SLC24A2: variants seen among roughly 807,000 people sequenced by gnomAD.
SLC24A2 encodes sodium/potassium/calcium exchanger 2.
A neutral mutation model predicts 62.0 loss-of-function variants in SLC24A2; 36 were observed. The ratio of observed to expected loss-of-function variants is 0.58; its 90% CI spans 0.44 to 0.77. SLC24A2 has a LOEUF of 0.77. SLC24A2 is among the 30% of genes least tolerant of loss of function. The probability of loss-of-function intolerance (pLI) is 0.00; values close to 1 mark genes in which losing one functional copy is unlikely to be tolerated. For synonymous variants in SLC24A2, 358 were observed against 294.0 expected, an observed-to-expected ratio of 1.22 and a Z score of -2.23; for missense variants, 846 against 817.9, an observed-to-expected ratio of 1.03 and a Z score of -0.42.
At chr9:19,533,296 T>C (rs1833793975) in intron 8 of SLC24A2, among the ~76,000 whole-genome samples, 2 of 152,296 alleles carry the variant, frequency 1.3e-5, no homozygotes, top group South Asian at 4.2e-4. Flanking sequence ...AGTTAATTTT[T>C]CCCCTCTCTT....
chr9:20,012,256 C>T, the SLC24A2 span, among the ~76,000 whole-genome samples: 5 of 152,154 alleles, frequency 3.3e-5, no homozygotes, highest in African/African-American at 7.2e-5. Context: ...GGAGGCCTCA[C>T]AATCATGGCA....
chr9:19,921,014 G>T, the SLC24A2 span, among the ~76,000 whole-genome samples: 2 of 146,338 alleles, frequency 1.4e-5, no homozygotes, highest in African/African-American at 5.0e-5. Flanking sequence ...GGATTGAGTC[G>T]ATATAAGTAA....
chr9:19,738,050 T>C (rs1821561958), intron 2 of SLC24A2, among the ~76,000 whole-genome samples: 1 of 152,156 alleles, frequency 6.6e-6, no homozygotes, highest in African/African-American at 2.4e-5. Flanking sequence ...ATCTTCAAAA[T>C]TAAAAATCAG....
chr9:19,935,814 T>C, the SLC24A2 span, among the ~76,000 whole-genome samples: 1 of 152,310 alleles, frequency 6.6e-6, no homozygotes, highest in Non-Finnish European at 1.5e-5. Flanking sequence ...TTCACTGAGA[T>C]AGACCTGTAA....
chr9:19,557,436 G>C lies in SLC24A2; in HGVS notation c.1348-7168C>G, dbSNP rs755660229. Among the ~76,000 whole-genome samples, 35 of 152,212 alleles carry C rather than the reference G, an allele frequency of 2.3e-4. 1 individual carries two copies. Among genetic ancestry groups the C allele is most frequent in the Admixed American group, 4.6e-4 (7 of 15,286 alleles). On this transcript the variant is annotated intron_variant, in intron 7 of 10. Coordinates refer to ENST00000341998, the MANE Select transcript of SLC24A2 (RefSeq NM_020344.4). ...GGTGGTTCTTATCCTGGGGCAGAGG[G>C]CGAGAAGTAGGTACAAAATAATACA...
intron 2 of SLC24A2, among the ~76,000 whole-genome samples, chr9:19,776,157 G>C (rs1227754705): frequency 6.6e-6 from 1 of 152,164 alleles, no homozygotes; most frequent in Non-Finnish European, 1.5e-5. Context: ...AAAAACATTT[G>C]AAAGTCACTG....
At chr9:19,573,063 AG>A (rs1055368680) in intron 7 of SLC24A2, among the ~76,000 whole-genome samples, 2 of 152,206 alleles carry the variant, frequency 1.3e-5, no homozygotes, top group African/African-American at 4.8e-5. Context: ...TATATGGCCC[AG>A]GGATCTACAT....
At chr9:20,081,484 G>A in the SLC24A2 span, among the ~76,000 whole-genome samples, 3 of 119,288 alleles carry the variant, frequency 2.5e-5, no homozygotes, top group Admixed American at 1.8e-4. Flanking sequence ...GTTGAGGGGT[G>A]GGGGGAGGGG....
At chr9:20,002,660 A>G in the SLC24A2 span, among the ~76,000 whole-genome samples, 4 of 152,200 alleles carry the variant, frequency 2.6e-5, no homozygotes, top group African/African-American at 9.6e-5. Context: ...GGACAGGTAA[A>G]TGATGGAAAC....
At chr9:19,554,992 A>G (rs1237429695) in intron 7 of SLC24A2, among the ~76,000 whole-genome samples, 2 of 152,304 alleles carry the variant, frequency 1.3e-5, no homozygotes, top group African/African-American at 2.4e-5. Context: ...TGGTCTCTCT[A>G]TAAGATATCT....
intron 10 of SLC24A2, among the ~76,000 whole-genome samples, chr9:19,519,898 G>T (rs149345490): frequency 6.6e-6 from 1 of 152,162 alleles, no homozygotes; most frequent in Non-Finnish European, 1.5e-5. Flanking sequence ...TGCTACAATT[G>T]ATAGCACAGA....
the SLC24A2 span, among the ~76,000 whole-genome samples, chr9:19,885,451 T>A: frequency 6.6e-6 from 1 of 152,212 alleles, no homozygotes; most frequent in Non-Finnish European, 1.5e-5. Flanking sequence ...CATGTTCACA[T>A]ACAATGTCTG....
the SLC24A2 span, chr9:19,928,611 A>C: frequency 4.6e-5 from 7 of 152,250 alleles, no homozygotes; most frequent in African/African-American, 1.7e-4. Flanking sequence ...ACTGGGATTT[A>C]TAATAATTAC....
intron 2 of SLC24A2, among the ~76,000 whole-genome samples, chr9:19,668,107 G>A (rs1016788227): frequency 2.8e-4 from 43 of 152,094 alleles, no homozygotes; most frequent in Non-Finnish European, 2.9e-5. Context: ...TCAGGCCCTA[G>A]TGTGGACACA....
At chr9:20,016,415 A>T in the SLC24A2 span, among the ~76,000 whole-genome samples, 1 of 152,306 alleles carries the variant, frequency 6.6e-6, no homozygotes, top group East Asian at 1.9e-4. Context: ...GGTCAAATTA[A>T]CTGCATTGGT....
chr9:19,704,847 G>C (rs892209717), intron 2 of SLC24A2, among the ~76,000 whole-genome samples: 2 of 143,256 alleles, frequency 1.4e-5, no homozygotes, highest in Non-Finnish European at 3.0e-5. Context: ...CAGGAGCATA[G>C]ACATTTTCAA....
At chr9:20,297,152 T>C in the SLC24A2 span, among the ~76,000 whole-genome samples, 1 of 152,160 alleles carries the variant, frequency 6.6e-6, no homozygotes, top group Non-Finnish European at 1.5e-5. Flanking sequence ...GAGCAAGGAT[T>C]CAAACCCAGG....
chr9:20,202,737 A>T, the SLC24A2 span, among the ~76,000 whole-genome samples: 2 of 152,198 alleles, frequency 1.3e-5, no homozygotes, highest in African/African-American at 4.8e-5. Flanking sequence ...GATTACAGAA[A>T]AAGAAAAGGA....
At chr9:19,988,193 C>G in the SLC24A2 span, among the ~76,000 whole-genome samples, 2 of 152,220 alleles carry the variant, frequency 1.3e-5, no homozygotes, top group East Asian at 3.9e-4. Context: ...CCTTAGTCTT[C>G]CCAGACAAGC....
Sources: allele counts gnomAD v4.1 joint callset (sites outside exome capture counted in the v4.1 genomes callset), GRCh38; gene constraint gnomAD v4.1.1; transcripts MANE v1.5; gene names NCBI Gene and HGNC (gene_info 2026-07-23, HGNC 2026-07-21).